Variants in MACROD2 observed in about 807,000 individuals in gnomAD.
The protein encoded by MACROD2 is ADP-ribose glycohydrolase MACROD2.
A neutral mutation model predicts 70.4 loss-of-function variants in MACROD2; 36 were observed. That is an observed-to-expected ratio of 0.51 (90% CI 0.39 to 0.68). The LOEUF (loss-of-function observed/expected upper bound fraction) is 0.68. Ranked by LOEUF, MACROD2 falls within the 30% of genes least tolerant of loss-of-function variation. The pLI, the probability that MACROD2 is intolerant of heterozygous loss-of-function variation, is 0.00. For synonymous variants in MACROD2, 172 were observed against 178.8 expected (o/e 0.96, Z 0.30); for missense variants, 496 against 538.4 (o/e 0.92, Z 0.78).
chr20:14,024,061 C>T (rs534816108), intron 2 of MACROD2, among the ~76,000 whole-genome samples: 78 of 152,222 alleles, frequency 5.1e-4, no homozygotes, highest in Middle Eastern at 3.4e-3. Context: ...TTGTTTGTGT[C>T]CTCTCTTATT....
At chr20:15,259,373 G>C (rs1166940534) in intron 6 of MACROD2, among the ~76,000 whole-genome samples, 1 of 151,956 alleles carries the variant, frequency 6.6e-6, no homozygotes, top group Admixed American at 6.6e-5. Context: ...ATAGGTAGAA[G>C]GAAGGCAAAA....
At chr20:14,188,521 C>T (rs1235385876) in intron 3 of MACROD2, among the ~76,000 whole-genome samples, 1 of 152,044 alleles carries the variant, frequency 6.6e-6, no homozygotes, top group Non-Finnish European at 1.5e-5. Flanking sequence ...AGAGCATTAG[C>T]ACTTAATTCC....
chr20:15,338,405 C>A (rs2078072109), intron 6 of MACROD2, among the ~76,000 whole-genome samples: 1 of 151,614 alleles, frequency 6.6e-6, no homozygotes, highest in African/African-American at 2.4e-5. Flanking sequence ...CTTCAAAGTG[C>A]CCTGCTGCCA....
At chr20:14,083,179 C>T (rs2054023247) in intron 2 of MACROD2, among the ~76,000 whole-genome samples, 1 of 150,650 alleles carries the variant, frequency 6.6e-6, no homozygotes, top group Non-Finnish European at 1.5e-5. Flanking sequence ...CGCTTGTAAT[C>T]CCAGCACTTT....
At chr20:14,666,278 A>G (rs896340254) in intron 4 of MACROD2, among the ~76,000 whole-genome samples, 16 of 152,222 alleles carry the variant, frequency 1.1e-4, no homozygotes, top group African/African-American at 3.9e-4. Flanking sequence ...TTTATGATAC[A>G]TAGTTTATAA....
chr20:14,857,615 G>T (rs998364900), intron 5 of MACROD2, among the ~76,000 whole-genome samples: 1 of 152,098 alleles, frequency 6.6e-6, no homozygotes, highest in Non-Finnish European at 1.5e-5. Context: ...ACAAAATTCA[G>T]ACTTAAAAGC....
intron 4 of MACROD2, among the ~76,000 whole-genome samples, chr20:14,638,873 C>T (rs1298777999): frequency 2.0e-5 from 3 of 151,554 alleles, no homozygotes; most frequent in Admixed American, 1.3e-4. Flanking sequence ...TCACTTGAAC[C>T]CAAGAGGTGG....
chr20:14,049,703 A>C (rs1021287466), intron 2 of MACROD2, among the ~76,000 whole-genome samples: 1 of 151,802 alleles, frequency 6.6e-6, no homozygotes, highest in Non-Finnish European at 1.5e-5. Context: ...CAGTGAGCCG[A>C]GACTGTGCCA....
intron 8 of MACROD2, among the ~76,000 whole-genome samples, chr20:15,515,150 A>G (rs1013704012): frequency 6.6e-6 from 1 of 152,230 alleles, no homozygotes; most frequent in South Asian, 2.1e-4. Context: ...TAATTTACAA[A>G]TGGGACCTTT....
At chr20:14,812,594 C>A (rs1177602235) in intron 5 of MACROD2, among the ~76,000 whole-genome samples, 1 of 151,892 alleles carries the variant, frequency 6.6e-6, no homozygotes, top group Non-Finnish European at 1.5e-5. Flanking sequence ...TATAAAATTA[C>A]AGTGATTCAC....
intron 2 of MACROD2, among the ~76,000 whole-genome samples, chr20:14,072,836 AG>A (rs1258998624): frequency 6.6e-6 from 1 of 151,716 alleles, no homozygotes; most frequent in African/African-American, 2.4e-5. Context: ...CGGGAGGCTG[AG>A]GCAGGATAAT....
chr20:15,546,289 C>A (rs1425067058), intron 8 of MACROD2, among the ~76,000 whole-genome samples: 2 of 152,192 alleles, frequency 1.3e-5, no homozygotes, highest in Non-Finnish European at 2.9e-5. Flanking sequence ...ATAGCTAACA[C>A]TTCTTGAACG....
chr20:14,118,599 G>A (rs771763052), intron 3 of MACROD2, among the ~76,000 whole-genome samples: 1 of 152,146 alleles, frequency 6.6e-6, no homozygotes, highest in Non-Finnish European at 1.5e-5. Flanking sequence ...GAACTATGCT[G>A]TTAGCCCTTT....
chr20:15,393,268 G>A (rs1335671605), intron 6 of MACROD2, among the ~76,000 whole-genome samples: 1 of 152,192 alleles, frequency 6.6e-6, no homozygotes, highest in South Asian at 2.1e-4. Flanking sequence ...TGATTGGAAT[G>A]AGTGTGTGAT....
At chr20:15,155,003 G>T (rs895187842) in intron 5 of MACROD2, among the ~76,000 whole-genome samples, 4 of 151,990 alleles carry the variant, frequency 2.6e-5, no homozygotes, top group African/African-American at 7.3e-5. Context: ...AGGCTGAATG[G>T]GTTAAAAGTT....
intron 5 of MACROD2, among the ~76,000 whole-genome samples, chr20:14,923,075 C>A (rs1600828847): frequency 6.6e-6 from 1 of 152,116 alleles, no homozygotes; most frequent in African/African-American, 2.4e-5. Context: ...CAATTGCCAG[C>A]GGTCAATTCT....
intron 4 of MACROD2, among the ~76,000 whole-genome samples, chr20:14,659,135 A>T (rs2123529363): frequency 6.6e-6 from 1 of 152,278 alleles, no homozygotes; most frequent in South Asian, 2.1e-4. Flanking sequence ...CCAAAGCCTT[A>T]CAATAACTAG....
intron 5 of MACROD2, among the ~76,000 whole-genome samples, chr20:14,975,240 G>A (rs1352687438): frequency 6.6e-6 from 1 of 152,158 alleles, no homozygotes; most frequent in Non-Finnish European, 1.5e-5. Context: ...AGGAAGGTGA[G>A]CCAGAGAAAA....
intron 5 of MACROD2, among the ~76,000 whole-genome samples, chr20:15,040,293 C>T (rs1287135551): frequency 5.4e-5 from 8 of 146,978 alleles, no homozygotes; most frequent in Admixed American, 2.8e-4. Flanking sequence ...CCAGCCTGGG[C>T]GACAGAGCGA....
Sources: allele counts gnomAD v4.1 joint callset (sites outside exome capture counted in the v4.1 genomes callset), GRCh38; gene constraint gnomAD v4.1.1; transcripts MANE v1.5; gene names NCBI Gene and HGNC (gene_info 2026-07-23, HGNC 2026-07-21).